Variants in APTX observed in about 807,000 individuals in gnomAD.
APTX encodes the protein aprataxin, also known as forkhead-associated domain histidine triad-like protein.
In APTX, 33 loss-of-function variants were observed where a neutral mutation model predicts 42.3. That is an observed-to-expected ratio of 0.78 (90% CI 0.59 to 1.04). The LOEUF (loss-of-function observed/expected upper bound fraction) is 1.04. APTX is among the 50% of genes least tolerant of loss of function. The pLI is 0.00. For missense variants in APTX, 421 were observed against 415.1 expected, an observed-to-expected ratio of 1.01 and a Z score of -0.12; for synonymous variants, 130 against 146.7, an observed-to-expected ratio of 0.89 and a Z score of 0.82.
intron 1 of APTX, among the ~76,000 whole-genome samples, chr9:33,010,222 A>G (rs1283098544): frequency 6.6e-6 from 1 of 152,180 alleles, no homozygotes; most frequent in African/African-American, 2.4e-5. Context: ...TCCTCTTACT[A>G]GTCAACTGGG....
At chr9:33,004,815 T>A (rs868555770), upstream of APTX, among the ~76,000 whole-genome samples, 16 of 151,554 alleles carry the variant, frequency 1.1e-4, no homozygotes, top group Non-Finnish European at 1.6e-4. Context: ...GTATTTTTTT[T>A]TTTTTTAGAA....
In APTX at chr9:33,019,392, C is replaced by T. The variant is rs139325253; in HGVS notation, c.-5+5631G>A. ...CCCAGTTAATTAAAAACTAAATATT[C>T]TAAGAAATTTAAATTAATTTATACA... On this transcript the variant is annotated intron_variant, in intron 1 of 6. Transcript: ENST00000436040. Among the ~76,000 whole-genome samples, 665 of 152,166 alleles carry T rather than the reference C, an allele frequency of 4.4e-3. 8 individuals carry two copies. Among genetic ancestry groups the T allele is most frequent in the African/African-American group, 0.015 (636 of 41,508 alleles).
intron 1 of APTX, among the ~76,000 whole-genome samples, chr9:33,008,841 C>T (rs968148426): frequency 2.0e-5 from 3 of 151,852 alleles, no homozygotes; most frequent in East Asian, 1.9e-4. Context: ...CGTGCGCCAC[C>T]GCGTTGGCCT....
At chr9:32,996,894 C>A (rs1243262688) in intron 1 of APTX, among the ~76,000 whole-genome samples, 1 of 152,220 alleles carries the variant, frequency 6.6e-6, no homozygotes, top group Admixed American at 6.5e-5. Context: ...CGGTTTTCAG[C>A]ACCTTTATCA....
chr9:32,999,394 A>C (rs1835733165), intron 1 of APTX, among the ~76,000 whole-genome samples: 1 of 152,226 alleles, frequency 6.6e-6, no homozygotes, highest in South Asian at 2.1e-4. Context: ...ATAATGGACC[A>C]CCAAGGAGTT....
At chr9:33,004,935 C>A (rs568293048), upstream of APTX, among the ~76,000 whole-genome samples, 1 of 151,944 alleles carries the variant, frequency 6.6e-6, no homozygotes, top group Non-Finnish European at 1.5e-5. Context: ...CCACTGCGCC[C>A]GGCCGCTTGT....
chr9:33,000,643 A>AAAG (rs1836110742), intron 1 of APTX, among the ~76,000 whole-genome samples: 1 of 146,486 alleles, frequency 6.8e-6, no homozygotes, highest in Non-Finnish European at 1.5e-5. Context: ...AAAAAAAAAA[A>AAAG]AAAAGAAAAG....
intron 1 of APTX, among the ~76,000 whole-genome samples, chr9:33,020,553 AG>A (rs1204365088): frequency 2.0e-5 from 3 of 152,246 alleles, no homozygotes. Context: ...CTCTAAAACA[AG>A]GGTTACTGTG....
In APTX at chr9:32,984,298, C is replaced by T. The variant is rs373017441; in HGVS notation, c.770+333G>A. 1.9e-3 allele frequency among the ~76,000 whole-genome samples: 290 copies of T among 152,268 alleles called. 2 individuals are homozygous for T. Among genetic ancestry groups the T allele is most frequent in the African/African-American group, 6.2e-3 (259 of 41,550 alleles). On this transcript the variant is annotated intron_variant, in intron 6 of 7. Transcript: ENST00000379817. ...TCCTTAATCATTCTGGGGTTATAGACGCTTTTGAAGAATCTGATAAAAGCC... is the reference window on the plus strand; with the variant it reads ...TCCTTAATCATTCTGGGGTTATAGATGCTTTTGAAGAATCTGATAAAAGCC...
Position 32,973,210 on chromosome 9 carries a change from T to C in APTX, c.*288A>G, listed in dbSNP as rs1266337355. On this transcript the variant is annotated 3_prime_UTR_variant, in exon 8 of 8. Coordinates refer to ENST00000379817, the MANE Select transcript of APTX (RefSeq NM_001195248.2). The stretch of plus-strand genomic sequence containing the variant: ...ACTCTGCATTAGGTCAGTGTGAACA[T>C]GGCTTTGCTCCCAATGGTCAGACCT... 1.9e-6 allele frequency: 1 copy of C among 538,004 alleles called. No homozygotes were observed. The highest frequency in any genetic ancestry group is 1.5e-5 in the South Asian group (1 of 65,240). The allele number at this position is 538,004 out of a possible 1,614,324, so 33.3% of individuals were successfully genotyped here. A position where few individuals can be genotyped will look rare whatever the true frequency, so the allele number is the denominator to read the frequency against.
At chr9:33,001,308 C>T (rs1563991832) in intron 1 of APTX, 46 of 1,505,020 alleles carry the variant, frequency 3.1e-5, no homozygotes, top group Non-Finnish European at 4.1e-5. Flanking sequence ...ATTTTTTCGG[C>T]TTGTGTTGCG....
intron 1 of APTX, among the ~76,000 whole-genome samples, chr9:33,018,193 C>G (rs1838058413): frequency 1.3e-5 from 2 of 151,346 alleles, no homozygotes; most frequent in Non-Finnish European, 2.9e-5. Flanking sequence ...TTACTGCAAC[C>G]TCTGCCTGCT....
intron 1 of APTX, among the ~76,000 whole-genome samples, chr9:32,997,623 G>GAAC (rs10657462): frequency 0.96 from 145,583 of 152,112 alleles, 69,942 homozygotes; most frequent in East Asian, 1. Context: ...CAAGCAAAGA[G>GAAC]AACAAGGGCA....
In APTX at chr9:32,989,880, C is replaced by T; in HGVS notation, c.12G>A (p.Val4=). The change falls in exon 2 of 8, where the codon GTG becomes GTA. Residue 4 remains valine, a synonymous_variant. Coordinates refer to ENST00000379817, the MANE Select transcript of APTX (RefSeq NM_001195248.2). MMR[V]CWLVRQDSRH... is the part of the protein sequence containing the mutation. ...GGCTGTCCTGTCTCACCAACCAGCA[C>T]ACCCGCATCATCACTCTAAGGGACA... The T allele has an allele frequency of 6.2e-7, 1 of 1,614,140 alleles. No individual in the cohort carries two copies. Among genetic ancestry groups the T allele is most frequent in the African/African-American group, 1.3e-5 (1 of 75,066 alleles).
intron 5 of APTX, 136 bp downstream of exon 5, chr9:32,985,835 T>G: frequency 1.2e-6 from 1 of 850,596 alleles, no homozygotes; most frequent in Non-Finnish European, 1.9e-6. Context: ...AAGCCTCTTG[T>G]TCTCACAGAA....
At chr9:32,984,596 A>G in intron 6 of APTX, 35 bp downstream of exon 6, 1 of 1,597,240 alleles carries the variant, frequency 6.3e-7, no homozygotes, top group African/African-American at 1.3e-5. Context: ...ACCTGGACAG[A>G]ACCAGGAGCC....
Position 33,012,865 on chromosome 9 carries a change from G to A in APTX, c.-5+12158C>T, listed in dbSNP as rs367545685. Among the ~76,000 whole-genome samples, 29 of 152,228 alleles carry A rather than the reference G, an allele frequency of 1.9e-4. No homozygotes were observed. In the South Asian group the frequency reaches 4.1e-3, roughly 22 times the overall value. ...AGGGTGGGGGCACTATTCCTACCACGTTCTGGAAGTCATAAGATTGTCTGA... is the reference window on the plus strand; with the variant it reads ...AGGGTGGGGGCACTATTCCTACCACATTCTGGAAGTCATAAGATTGTCTGA... On this transcript the variant is annotated intron_variant, in intron 1 of 6. Coordinates refer to the APTX transcript ENST00000436040.
At position 32,974,555 on chromosome 9, in the gene APTX, T is replaced by G. The variant is rs1250575593; in HGVS notation, c.777A>C (p.Val259=). 6 of 1,586,860 alleles carry G rather than the reference T, an allele frequency of 3.8e-6. No homozygotes were observed. The highest frequency in any genetic ancestry group is 1.7e-5 in the Admixed American group (1 of 57,552). ...GYHAIPSMSH[V]HLHVISQDFD... ...AATCCTGGCTGATCACATGAAGATG[T>G]ACATGGCTAGTTGAAAGAAAAAAAA... is the stretch of plus-strand genomic sequence containing the variant. Residue 259 remains valine, a synonymous_variant, in exon 7 of 8, where the codon GTA becomes GTC. Transcript: ENST00000379817.
chr9:32,988,425 C>T (rs1563969431), intron 2 of APTX, among the ~76,000 whole-genome samples: 1 of 152,172 alleles, frequency 6.6e-6, no homozygotes, highest in Non-Finnish European at 1.5e-5. Flanking sequence ...TATTCCAGAA[C>T]CCCTGGCCTG....
Sources: gnomAD v4.1 joint callset for allele counts (sites outside exome capture counted in the v4.1 genomes callset) on GRCh38, gnomAD v4.1.1 for gene constraint, MANE v1.5 for transcripts, NCBI Gene and HGNC (gene_info 2026-07-23, HGNC 2026-07-21) for gene names.